PPP1R42: variants seen among roughly 807,000 people sequenced by gnomAD.
PPP1R42 encodes the protein leucine rich repeat containing 67.
A neutral mutation model predicts 31.0 loss-of-function variants in PPP1R42; 34 were observed. That is an observed-to-expected ratio of 1.10 (90% CI 0.83 to 1.46). PPP1R42 has a LOEUF of 1.46. Among genes scored for constraint, PPP1R42 ranks in the 40% most tolerant of loss-of-function variants. The pLI is 0.00. For missense variants in PPP1R42, 268 were observed against 303.0 expected, an observed-to-expected ratio of 0.88 and a Z score of 0.86; for synonymous variants, 103 against 109.8, an observed-to-expected ratio of 0.94 and a Z score of 0.39.
chr8:67,021,415 A>G (rs919052471), intron 1 of PPP1R42: 2 of 152,174 alleles, frequency 1.3e-5, no homozygotes, highest in Admixed American at 6.5e-5. Flanking sequence ...ATCTTCGTAG[A>G]TTTTTGAAAT....
chr8:67,014,670 T>C (rs1264620043), intron 2 of PPP1R42, 78 bp from the exon 3 acceptor site: 2 of 952,366 alleles, frequency 2.1e-6, no homozygotes, highest in South Asian at 1.7e-5. Flanking sequence ...AAATTTTCAG[T>C]TGATCATTCT....
intron 5 of PPP1R42, among the ~76,000 whole-genome samples, chr8:67,010,162 G>C (rs1302029580): frequency 6.6e-6 from 1 of 152,148 alleles, no homozygotes; most frequent in Non-Finnish European, 1.5e-5. Context: ...TCCTTCCTTT[G>C]TTCTACACTG....
At chr8:66,981,325 A>T (rs2130923198) in intron 7 of PPP1R42, among the ~76,000 whole-genome samples, 1 of 151,450 alleles carries the variant, frequency 6.6e-6, no homozygotes, top group South Asian at 2.1e-4. Context: ...CAGTCCACAG[A>T]TGTGGTCGTG....
At chr8:66,980,066 C>T (rs1275055251) in intron 7 of PPP1R42, among the ~76,000 whole-genome samples, 1 of 152,042 alleles carries the variant, frequency 6.6e-6, no homozygotes, top group Non-Finnish European at 1.5e-5. Context: ...TAGTTCTGCC[C>T]TTCACAGCCA....
chr8:66,976,611 G>GTTTTTTTT (rs561585989), intron 7 of PPP1R42, among the ~76,000 whole-genome samples: 1 of 133,422 alleles, frequency 7.5e-6, no homozygotes. Context: ...CAACTTTTTG[G>GTTTTTTTT]TTTTTTTTTT....
chr8:67,009,042 G>A (rs1270200178), intron 5 of PPP1R42, among the ~76,000 whole-genome samples: 4 of 151,918 alleles, frequency 2.6e-5, no homozygotes, highest in Non-Finnish European at 5.9e-5. Flanking sequence ...AGGCTGAGGC[G>A]GGCAGATCAC....
intron 7 of PPP1R42, among the ~76,000 whole-genome samples, chr8:66,971,400 T>A (rs1282176130): frequency 6.6e-6 from 1 of 152,244 alleles, no homozygotes; most frequent in Non-Finnish European, 1.5e-5. Context: ...GCCCTTAATT[T>A]TACTGTTCTG....
At chr8:66,971,250 T>C in intron 7 of PPP1R42, 3 of 715,216 alleles carry the variant, frequency 4.2e-6, no homozygotes, top group African/African-American at 3.7e-5. Context: ...GCCAAATGAA[T>C]ACACAGTAAA....
At chr8:66,995,217 T>C (rs1815301554) in intron 5 of PPP1R42, among the ~76,000 whole-genome samples, 1 of 152,224 alleles carries the variant, frequency 6.6e-6, no homozygotes, top group African/African-American at 2.4e-5. Flanking sequence ...AAAAACGAGT[T>C]AATATTCTGA....
chr8:67,020,277 A>T (rs552492097), intron 1 of PPP1R42, among the ~76,000 whole-genome samples: 3 of 152,162 alleles, frequency 2.0e-5, no homozygotes, highest in African/African-American at 7.2e-5. Context: ...ATCTCGGCTC[A>T]CTGCAACCTC....
chr8:66,980,866 G>A (rs758866147), intron 7 of PPP1R42, among the ~76,000 whole-genome samples: 5 of 151,580 alleles, frequency 3.3e-5, no homozygotes, highest in African/African-American at 4.8e-5. Flanking sequence ...TCTTTAAGAC[G>A]GAGTCTTGTT....
At position 66,977,325 on chromosome 8, in the gene PPP1R42, G is replaced by A. The variant is rs561258309; in HGVS notation, c.802+4724C>T. ...TGGGATTACAGGCGTGAGCCATCGC[G>A]CCCACCCTTGCTTTTTTTTTTTTTT... On this transcript the variant is annotated intron_variant, in intron 7 of 7. Coordinates refer to ENST00000685739, the MANE Select transcript of PPP1R42 (RefSeq NM_001364910.1). Among the ~76,000 whole-genome samples, 244 of 149,278 alleles carry A rather than the reference G, an allele frequency of 1.6e-3. 1 individual carries two copies. The highest frequency in any genetic ancestry group is 3.0e-3 in the Non-Finnish European group (205 of 67,436).
At chr8:66,984,590 C>G in intron 6 of PPP1R42, 1 of 1,193,066 alleles carries the variant, frequency 8.4e-7, no homozygotes, top group African/African-American at 1.5e-5. Flanking sequence ...ATTTCTAACT[C>G]CATATACAGA....
At chr8:66,976,850 C>T in intron 7 of PPP1R42, among the ~76,000 whole-genome samples, 1 of 152,118 alleles carries the variant, frequency 6.6e-6, no homozygotes, top group Non-Finnish European at 1.5e-5. Context: ...ATTGTGAATA[C>T]TCCTGCAACA....
At chr8:67,013,677 GCCA>G (rs1815913170) in intron 3 of PPP1R42, among the ~76,000 whole-genome samples, 1 of 152,114 alleles carries the variant, frequency 6.6e-6, no homozygotes, top group Non-Finnish European at 1.5e-5. Context: ...TCATGATCGC[GCCA>G]CTGCATTCCA....
intron 6 of PPP1R42, chr8:66,986,332 TC>T: frequency 1.9e-6 from 1 of 529,078 alleles, no homozygotes; most frequent in Non-Finnish European, 3.8e-6. Context: ...TTTCAGCTCA[TC>T]CAGCTCCCTC....
At chr8:66,985,716 CT>C in intron 6 of PPP1R42, 1 of 1,337,032 alleles carries the variant, frequency 7.5e-7, no homozygotes, top group South Asian at 1.2e-5. Flanking sequence ...AAGAAGGAGT[CT>C]TTGGCTGAGG....
intron 6 of PPP1R42, chr8:66,985,108 A>G (rs1563417805): frequency 1.6e-6 from 2 of 1,240,804 alleles, no homozygotes; most frequent in South Asian, 1.2e-5. Flanking sequence ...CCTAGGAGCA[A>G]TAAGGGCAAG....
At chr8:67,019,437 A>C (rs1486192921) in intron 1 of PPP1R42, among the ~76,000 whole-genome samples, 3 of 143,684 alleles carry the variant, frequency 2.1e-5, no homozygotes, top group African/African-American at 7.7e-5. Flanking sequence ...CACGGGTTTC[A>C]CCATCTTGGC....
Sources: allele counts gnomAD v4.1 joint callset (sites outside exome capture counted in the v4.1 genomes callset), GRCh38; gene constraint gnomAD v4.1.1; transcripts MANE v1.5; gene names NCBI Gene and HGNC (gene_info 2026-07-23, HGNC 2026-07-21).